Variants in ACAD8 observed in about 807,000 individuals in gnomAD.
The protein encoded by ACAD8 is isobutyryl-CoA dehydrogenase, mitochondrial.
In ACAD8, 47 loss-of-function variants were observed where a neutral mutation model predicts 53.1. That is an observed-to-expected ratio of 0.89 (90% CI 0.70 to 1.13). ACAD8 has a LOEUF of 1.13. ACAD8 is among the 50% of genes most tolerant of loss of function. The pLI is 0.00. For missense variants in ACAD8, 494 were observed against 535.0 expected (o/e 0.92, Z 0.76); for synonymous variants, 198 against 201.3 (o/e 0.98, Z 0.14).
chr11:134,261,830 G>A lies in ACAD8; in HGVS notation c.1032G>A (p.Arg344=), dbSNP rs1343264417. The part of the protein sequence containing the change: ...RNAAVALQEE[R]KDAVALCSMA... ...CAGCAGTGGCTCTGCAGGAGGAGAGGAAGGATGCAGTGGCCTTGTGCTCCA... is the reference window on the plus strand; with the variant it reads ...CAGCAGTGGCTCTGCAGGAGGAGAGAAAGGATGCAGTGGCCTTGTGCTCCA... The change falls in exon 9 of 11, where the codon AGG becomes AGA. Residue 344 remains arginine, a synonymous_variant. Coordinates refer to ENST00000281182, the MANE Select transcript of ACAD8 (RefSeq NM_014384.3). The surrounding 1 kb of genome is among the most constrained non-coding windows in gnomAD (Gnocchi z 4.2). The A allele has an allele frequency of 1.2e-6, 2 of 1,614,216 alleles. No individual in the cohort carries two copies. The highest frequency in any genetic ancestry group is 1.7e-5 in the Admixed American group (1 of 60,028).
rs1237689686 is a variant in ACAD8, at chr11:134,253,648, G to A, written c.48G>A (p.Leu16=). 1.9e-6 allele frequency: 3 copies of A among 1,594,092 alleles called. No individual in the cohort carries two copies. The highest frequency in any genetic ancestry group is 3.5e-5 in the Admixed American group (2 of 57,792). ...GTTTCGGGGCGCGCCTCGGCTGCCT[G>A]CCCGGCGGTCTCCGGGTCCTCGTCC... ...CRRFGARLGC[L]PGGLRVLVQT... is the part of the protein sequence containing the mutation. Residue 16 remains leucine (L), a synonymous_variant, in exon 1 of 11, where the codon CTG becomes CTA. Coordinates refer to ENST00000281182, the MANE Select transcript of ACAD8 (RefSeq NM_014384.3).
chr11:134,259,976 G>C, intron 6 of ACAD8: 1 of 1,380,298 alleles, frequency 7.2e-7, no homozygotes, highest in Non-Finnish European at 9.5e-7. Context: ...CAAGCCACCT[G>C]TGAGTGTTCT....
At chr11:134,264,704 T>G (rs896980838) in intron 10 of ACAD8, among the ~76,000 whole-genome samples, 12 of 152,190 alleles carry the variant, frequency 7.9e-5, no homozygotes, top group Non-Finnish European at 7.3e-5. Context: ...TCAGAAGAAG[T>G]TTTTAAAAAA....
rs749525748 is a variant in ACAD8, at chr11:134,256,497, G to A, written c.110-51G>A. On this transcript the variant is annotated intron_variant, in intron 1 of 10. Transcript: ENST00000281182. ...TGGTGCTTCTTGTTGGCAACACCTT[G>A]TTGGCAACACTGACCCTGTCCTAGA... The A allele has an allele frequency of 2.9e-5, 44 of 1,495,362 alleles. 1 individual carries two copies. The highest frequency in any genetic ancestry group is 2.2e-5 in the Non-Finnish European group (24 of 1,073,050). The allele number at this position is 1,495,362 out of a possible 1,614,324, so 92.6% of individuals were successfully genotyped here. A position where few individuals can be genotyped will look rare whatever the true frequency, so the allele number is the denominator to read the frequency against.
Position 134,261,581 on chromosome 11 carries a change from T to G in ACAD8, c.940-157T>G. On this transcript the variant is annotated intron_variant, in intron 8 of 10. Transcript: ENST00000281182. The surrounding 1 kb of genome is among the most constrained non-coding windows in gnomAD (Gnocchi z 4.2). ...CGGGTGAGTGAAGTGGACTTAGCAC[T>G]TAAAAGCAATAAATTTCCTCTATAG... is the stretch of plus-strand genomic sequence containing the variant. 1 of 1,541,976 alleles carries G rather than the reference T, an allele frequency of 6.5e-7. No individual in the cohort carries two copies. Among genetic ancestry groups the G allele is most frequent in the Non-Finnish European group, 8.7e-7 (1 of 1,148,186 alleles).
intron 6 of ACAD8, 50 bp from the exon 7 acceptor site, chr11:134,260,994 C>T: frequency 6.2e-7 from 1 of 1,602,918 alleles, no homozygotes; most frequent in Non-Finnish European, 8.5e-7. Context: ...GGGAAGGCCG[C>T]CCTACCTGCT....
chr11:134,263,386 G>A (rs1324692790), intron 10 of ACAD8: 21 of 987,540 alleles, frequency 2.1e-5, no homozygotes, highest in Non-Finnish European at 2.5e-5. Context: ...GGGCATGGGA[G>A]CGCAGATTGC....
At chr11:134,264,351 A>G (rs1447102174) in intron 10 of ACAD8, among the ~76,000 whole-genome samples, 1 of 151,908 alleles carries the variant, frequency 6.6e-6, no homozygotes, top group African/African-American at 2.4e-5. Context: ...TAAAAACAAT[A>G]CAAAAAATTA....
chr11:134,253,925 C>T (rs1035712388), intron 1 of ACAD8, among the ~76,000 whole-genome samples: 3 of 150,650 alleles, frequency 2.0e-5, no homozygotes, highest in Admixed American at 6.6e-5. Context: ...CCCATCTGGC[C>T]CGTCACCCCT....
chr11:134,259,618 G>A lies in ACAD8; in HGVS notation c.578G>A (p.Ser193Asn). 1 of 1,614,186 alleles carries A rather than the reference G, an allele frequency of 6.2e-7. No homozygotes were observed. The highest frequency in any genetic ancestry group is 8.5e-7 in the Non-Finnish European group (1 of 1,180,016). ...YILNGSKAFI[S>N]GAGESDIYVV... ...CTTTTACCCCCACAGGCCTTCATCA[G>A]TGGTGCTGGTGAGTCAGACATCTAT... The change falls in exon 6 of 11, where the codon AGT (serine) becomes AAT (asparagine). Residue 193 changes from serine (S) to asparagine (N), a missense_variant. Physicochemically the swap from Ser to Asn is conservative, Grantham distance 46. Transcript: ENST00000281182.
At chr11:134,264,834 C>A in intron 10 of ACAD8, 74 bp from the exon 11 acceptor site, 2 of 1,341,700 alleles carry the variant, frequency 1.5e-6, no homozygotes, top group African/African-American at 1.4e-5. Context: ...AGGCCTGGAG[C>A]AGCCTGGTCA....
chr11:134,263,004 G>A (rs2136085047), intron 10 of ACAD8: 1 of 1,201,058 alleles, frequency 8.3e-7, no homozygotes, highest in East Asian at 5.8e-5. Context: ...AGCCAGTATG[G>A]TCATCAGTAG....
chr11:134,254,700 T>C (rs1939381349), intron 1 of ACAD8, among the ~76,000 whole-genome samples: 1 of 152,218 alleles, frequency 6.6e-6, no homozygotes, highest in Non-Finnish European at 1.5e-5. Context: ...TAAGGAATTA[T>C]TTAGAGGTGG....
chr11:134,259,800 A>G (rs761455610), intron 6 of ACAD8, 55 bp downstream of exon 6: 2 of 1,613,530 alleles, frequency 1.2e-6, no homozygotes, highest in East Asian at 4.5e-5. Context: ...GCCACCTGCC[A>G]GCCCAACTCC....
chr11:134,263,999 C>A (rs1186080110), intron 10 of ACAD8: 18 of 985,138 alleles, frequency 1.8e-5, no homozygotes, highest in Non-Finnish European at 2.0e-5. Flanking sequence ...TTTTGTAAGT[C>A]AGTTTTCTGA....
chr11:134,264,536 A>G (rs1940081168), intron 10 of ACAD8, among the ~76,000 whole-genome samples: 1 of 152,204 alleles, frequency 6.6e-6, no homozygotes, highest in African/African-American at 2.4e-5. Context: ...AAAGAAAAAA[A>G]ATCACTCATG....
chr11:134,256,536 T>C lies in ACAD8; in HGVS notation c.110-12T>C, dbSNP rs1352156707. 1 of 1,612,238 alleles carries C rather than the reference T, an allele frequency of 6.2e-7. No homozygotes were observed. Among genetic ancestry groups the C allele is most frequent in the South Asian group, 1.1e-5 (1 of 91,036 alleles). On this transcript the variant is annotated splice_polypyrimidine_tract_variant and intron_variant, in intron 1 of 10. Coordinates refer to ENST00000281182, the MANE Select transcript of ACAD8 (RefSeq NM_014384.3). ...CCCTGTCCTAGAACAGTATATGCAA[T>C]CCTGCCCACAGCTTCCATGGGACTT...
chr11:134,264,059 AG>A (rs1940051744), intron 10 of ACAD8: 1 of 984,774 alleles, frequency 1.0e-6, no homozygotes, highest in African/African-American at 1.7e-5. Flanking sequence ...AATTAGGAAA[AG>A]TAGGCTGGGT....
chr11:134,253,678 C>A lies in ACAD8; in HGVS notation c.78C>A (p.Thr26=), dbSNP rs376157548. The A allele has an allele frequency of 6.2e-7, 1 of 1,600,134 alleles. No homozygotes were observed. Among genetic ancestry groups the A allele is most frequent in the Non-Finnish European group, 8.5e-7 (1 of 1,174,402 alleles). ...GCGGTCTCCGGGTCCTCGTCCAGAC[C>A]GGCCACCGGAGCTTGACCTCCTGCA... ...LPGGLRVLVQ[T]GHRSLTSCID... is the part of the protein sequence containing the mutation. The change falls in exon 1 of 11, where the codon ACC becomes ACA. Residue 26 remains threonine, a synonymous_variant. Transcript: ENST00000281182.
Sources: allele counts gnomAD v4.1 joint callset (sites outside exome capture counted in the v4.1 genomes callset), GRCh38; gene constraint gnomAD v4.1.1; non-coding constraint Gnocchi (gnomAD v3.1); transcripts MANE v1.5; gene names NCBI Gene and HGNC (gene_info 2026-07-23, HGNC 2026-07-21).